SKIL: variants seen among roughly 807,000 people sequenced by gnomAD.
SKIL encodes the protein SKI like proto-oncogene.
In SKIL, 20 loss-of-function variants were observed where a neutral mutation model predicts 69.6. That is an observed-to-expected ratio of 0.29 (90% CI 0.20 to 0.42). The LOEUF is 0.42. Among genes scored for constraint, SKIL ranks in the 10% least tolerant of loss-of-function variants. The probability of loss-of-function intolerance (pLI) is 1.00; values close to 1 mark genes in which losing one functional copy is unlikely to be tolerated. For synonymous variants in SKIL, 310 were observed against 279.9 expected (o/e 1.11, Z -1.08); for missense variants, 745 against 783.1 (o/e 0.95, Z 0.58).
At position 170,360,448 on chromosome 3, in the gene SKIL, T is replaced by C. The variant is rs768885915; in HGVS notation, c.117T>C (p.Asn39=). 1 of 1,613,808 alleles carries C rather than the reference T, an allele frequency of 6.2e-7. No individual in the cohort carries two copies. The highest frequency in any genetic ancestry group is 8.5e-7 in the Non-Finnish European group (1 of 1,179,942). Reference sequence around the variant, plus strand: ...AAATGATAACGGACATTCATGCAAATGGAAAAACGATAAACAAGGTGCCAA... The same window carrying C: ...AAATGATAACGGACATTCATGCAAACGGAAAAACGATAAACAAGGTGCCAA... The part of the protein sequence containing the change: ...AKKMITDIHA[N]GKTINKVPTV... The change falls in exon 2 of 7, where the codon AAT becomes AAC. Residue 39 remains asparagine, a synonymous_variant. Coordinates refer to ENST00000259119, the MANE Select transcript of SKIL (RefSeq NM_005414.5).
At chr3:170,384,813 C>T (rs1201473749) in intron 4 of SKIL, 48 bp downstream of exon 4, 4 of 967,658 alleles carry the variant, frequency 4.1e-6, no homozygotes, top group Non-Finnish European at 6.2e-6. Flanking sequence ...CTAATGAACA[C>T]ATTTATTGAG....
At chr3:170,387,052 T>C (rs1168771808) in intron 4 of SKIL, among the ~76,000 whole-genome samples, 20 of 152,190 alleles carry the variant, frequency 1.3e-4, no homozygotes, top group African/African-American at 4.8e-4. Context: ...AGTTTCACTC[T>C]TGTCGCCCAG....
intron 2 of SKIL, among the ~76,000 whole-genome samples, chr3:170,379,826 T>G (rs574216304): frequency 6.6e-6 from 1 of 152,058 alleles, no homozygotes; most frequent in Non-Finnish European, 1.5e-5. Context: ...GCGTTTTTAA[T>G]AGAGATGGGG....
rs2108232703 is a variant in SKIL at position 170,396,149 on chromosome 3, A to G, written c.*3732A>G. The stretch of plus-strand genomic sequence containing the variant: ...GAATTAGAAAGTGATCAAATGTAAG[A>G]AAAAAATTTAAAAATTCAGCCCAGA... On this transcript the variant is annotated 3_prime_UTR_variant, in exon 7 of 7. Coordinates refer to ENST00000259119, the MANE Select transcript of SKIL (RefSeq NM_005414.5). The G allele has an allele frequency of 6.6e-6, 1 of 152,108 alleles. No individual in the cohort carries two copies. Among genetic ancestry groups the G allele is most frequent in the Admixed American group, 6.6e-5 (1 of 15,264 alleles). The allele number at this position is 152,108 out of a possible 1,614,324, so 9.4% of individuals were successfully genotyped here. A position where few individuals can be genotyped will look rare whatever the true frequency, so the allele number is the denominator to read the frequency against.
In SKIL at chr3:170,357,730, G is replaced by T; in HGVS notation, c.-667G>T. The T allele has an allele frequency of 6.1e-6, 1 of 163,552 alleles. No individual in the cohort carries two copies. Among genetic ancestry groups the T allele is most frequent in the Non-Finnish European group, 1.3e-5 (1 of 77,518 alleles). The allele number at this position is 163,552 out of a possible 1,614,324, so 10.1% of individuals were successfully genotyped here. On this transcript the variant is annotated 5_prime_UTR_variant, in exon 1 of 7. Transcript: ENST00000259119. ...CCGCGCCGGCACAGCCGAAGGGAGC[G>T]GGCGAGCGGCGACGGCGGCGGCGGC...
chr3:170,379,893 C>T (rs564954252), intron 2 of SKIL, among the ~76,000 whole-genome samples: 1 of 152,288 alleles, frequency 6.6e-6, no homozygotes, highest in Admixed American at 6.5e-5. Flanking sequence ...ATCCACCCAC[C>T]TCGGCCTCCC....
At chr3:170,366,222 A>C (rs1736504424) in intron 2 of SKIL, among the ~76,000 whole-genome samples, 1 of 151,922 alleles carries the variant, frequency 6.6e-6, no homozygotes, top group Admixed American at 6.6e-5. Flanking sequence ...AGTTGTTCGA[A>C]ATGAAACAAC....
rs141718790 is a variant in SKIL at position 170,387,057 on chromosome 3, G to A, written c.1429+2292G>A. On this transcript the variant is annotated intron_variant, in intron 4 of 6. Transcript: ENST00000259119. ...TTTAAGATGGAGTTTCACTCTTGTC[G>A]CCCAGGCTAGAGTGCAGTGGGGTGA... 7.2e-3 allele frequency among the ~76,000 whole-genome samples: 1,087 copies of A among 151,346 alleles called. 13 individuals carry two copies. Among genetic ancestry groups the A allele is most frequent in the African/African-American group, 0.024 (989 of 41,210 alleles).
intron 2 of SKIL, among the ~76,000 whole-genome samples, chr3:170,377,629 A>G (rs1035920501): frequency 2.1e-4 from 30 of 145,152 alleles, no homozygotes; most frequent in Non-Finnish European, 3.9e-4. Flanking sequence ...GCTCACTGCA[A>G]CCTCCGCCCT....
intron 2 of SKIL, among the ~76,000 whole-genome samples, chr3:170,366,313 A>C (rs906684647): frequency 2.6e-5 from 4 of 152,092 alleles, no homozygotes; most frequent in Non-Finnish European, 5.9e-5. Flanking sequence ...GTAAATTATA[A>C]ATAATTTGAA....
At chr3:170,366,151 G>A (rs142182770) in intron 2 of SKIL, among the ~76,000 whole-genome samples, 261 of 149,954 alleles carry the variant, frequency 1.7e-3, no homozygotes, top group African/African-American at 5.9e-3. Context: ...TTTGACATGC[G>A]TATATAGTTT....
In SKIL at chr3:170,381,249, T is replaced by C. The variant is rs1159835119; in HGVS notation, c.1104T>C (p.Asp368=). 2 of 1,547,062 alleles carry C rather than the reference T, an allele frequency of 1.3e-6. No homozygotes were observed. The highest frequency in any genetic ancestry group is 1.8e-6 in the Non-Finnish European group (2 of 1,119,080). ...RSGKRNQSKT[D]APSGMELQSW... The stretch of plus-strand genomic sequence containing the variant: ...CCTTCCATGTTTTTCTGCAGACAGA[T>C]GCACCATCAGGAATGGAATTACAGT... The change falls in exon 3 of 7, where the codon GAT becomes GAC. Residue 368 remains aspartate (D), a synonymous_variant. Coordinates refer to ENST00000259119, the MANE Select transcript of SKIL (RefSeq NM_005414.5).
intron 2 of SKIL, among the ~76,000 whole-genome samples, chr3:170,367,695 C>T (rs1271452205): frequency 6.6e-6 from 1 of 150,992 alleles, no homozygotes; most frequent in African/African-American, 2.4e-5. Flanking sequence ...TCTCGAACTC[C>T]TGATCTCAGG....
At chr3:170,388,045 T>G (rs2108223466) in intron 4 of SKIL, among the ~76,000 whole-genome samples, 1 of 151,510 alleles carries the variant, frequency 6.6e-6, no homozygotes, top group South Asian at 2.1e-4. Context: ...AGGAGTGAAA[T>G]TGCTAGGTCA....
chr3:170,392,613 G>A lies in SKIL; in HGVS notation c.*196G>A. 1 of 370,120 alleles carries A rather than the reference G, an allele frequency of 2.7e-6. No homozygotes were observed. The highest frequency in any genetic ancestry group is 4.9e-6 in the Non-Finnish European group (1 of 205,586). 22.9% of individuals were successfully genotyped at this position (370,120 alleles called of 1,614,324 possible). A position where few individuals can be genotyped will look rare whatever the true frequency, so the allele number is the denominator to read the frequency against. ...ATTTTCCAAATGAATGAAAATGTAT[G>A]TTTCTTTGTACTTTTTTAAAAAAAT... On this transcript the variant is annotated 3_prime_UTR_variant, in exon 7 of 7. Coordinates refer to ENST00000259119, the MANE Select transcript of SKIL (RefSeq NM_005414.5).
At chr3:170,388,519 A>G (rs1411319083) in intron 4 of SKIL, among the ~76,000 whole-genome samples, 1 of 151,298 alleles carries the variant, frequency 6.6e-6, no homozygotes, top group Non-Finnish European at 1.5e-5. Context: ...TGCAACCTCT[A>G]CCTCCTGGGC....
chr3:170,367,161 T>C (rs1040467202), intron 2 of SKIL, among the ~76,000 whole-genome samples: 1 of 152,110 alleles, frequency 6.6e-6, no homozygotes, highest in African/African-American at 2.4e-5. Flanking sequence ...CAGGCTGGAG[T>C]GCAGTGGCGC....
At position 170,360,465 on chromosome 3, in the gene SKIL, A is replaced by G; in HGVS notation, c.134A>G (p.Lys45Arg). ...CATGCAAATGGAAAAACGATAAACA[A>G]GGTGCCAACAGTTAAGAAGGAACAC... Reference protein sequence around the residue: ...DIHANGKTINKVPTVKKEHLD... With the variant: ...DIHANGKTINRVPTVKKEHLD... The change falls in exon 2 of 7, where the codon AAG becomes AGG. Residue 45 changes from lysine to arginine, a missense_variant. Physicochemically the swap from Lys to Arg is conservative, Grantham distance 26. Coordinates refer to ENST00000259119, the MANE Select transcript of SKIL (RefSeq NM_005414.5). The G allele has an allele frequency of 1.2e-6, 2 of 1,613,984 alleles. No individual in the cohort carries two copies. The highest frequency in any genetic ancestry group is 1.7e-6 in the Non-Finnish European group (2 of 1,179,996).
In SKIL at chr3:170,394,093, T is replaced by C. The variant is rs1221407335; in HGVS notation, c.*1676T>C. The C allele has an allele frequency of 1.3e-5, 2 of 149,528 alleles. No homozygotes were observed. Among genetic ancestry groups the C allele is most frequent in the Admixed American group, 6.7e-5 (1 of 14,984 alleles). 9.3% of individuals were successfully genotyped at this position (149,528 alleles called of 1,614,324 possible). On this transcript the variant is annotated 3_prime_UTR_variant, in exon 7 of 7. Coordinates refer to ENST00000259119, the MANE Select transcript of SKIL (RefSeq NM_005414.5). ...GAATCTTCTCAAGGAGGAACAAATA[T>C]TAAAATGACATGTAGAAACAAATTT...
Sources: allele counts gnomAD v4.1 joint callset (sites outside exome capture counted in the v4.1 genomes callset), GRCh38; gene constraint gnomAD v4.1.1; transcripts MANE v1.5; gene names NCBI Gene and HGNC (gene_info 2026-07-23, HGNC 2026-07-21).